NEB: variants seen among roughly 807,000 people sequenced by gnomAD.
NEB encodes the protein nemaline myopathy type 2.
A neutral mutation model predicts 952.2 loss-of-function variants in NEB; 512 were observed. That is an observed-to-expected ratio of 0.54 (90% CI 0.50 to 0.58). The LOEUF (loss-of-function observed/expected upper bound fraction) is 0.58, where lower values mean the gene tolerates loss of function less well. NEB is among the 20% of genes least tolerant of loss of function. The pLI, the probability that NEB is intolerant of heterozygous loss-of-function variation, is 0.00. For synonymous variants in NEB, 2,900 were observed against 3,149.8 expected, an observed-to-expected ratio of 0.92 and a Z score of 2.66; for missense variants, 8,428 against 9,231.1, an observed-to-expected ratio of 0.91 and a Z score of 3.56.
chr2:151,614,707 A>G (rs2098133477), intron 76 of NEB, 120 bp from the exon 77 acceptor site: 5 of 1,196,684 alleles, frequency 4.2e-6, no homozygotes, highest in Non-Finnish European at 5.8e-6. Flanking sequence ...GAGAAAAGTG[A>G]GTATCATCAA....
Position 151,567,280 on chromosome 2 carries a change from C to T in NEB, c.18044G>A (p.Gly6015Glu). The T allele has an allele frequency of 6.2e-7, 1 of 1,613,846 alleles. No individual in the cohort carries two copies. The highest frequency in any genetic ancestry group is 8.5e-7 in the Non-Finnish European group (1 of 1,179,850). The change falls in exon 114 of 182, where the codon GGG becomes GAG. Residue 6015 changes from glycine (G) to glutamate (E), a missense_variant. By Grantham distance (98) the Gly-to-Glu change is moderately conservative (BLOSUM62 -2). Transcript: ENST00000397345. ...ATCAATATCACTGACAAGGGTCTGC[C>T]CCTGCTTGGCGGCCAAGACTGACAC... ...DMVSVLAAKQ[G>E]QTLVSDIDYR...
At chr2:151,673,937 C>T (rs538875676) in intron 36 of NEB, among the ~76,000 whole-genome samples, 65 of 151,756 alleles carry the variant, frequency 4.3e-4, no homozygotes, top group African/African-American at 1.4e-3. Context: ...TTTGGCCAGG[C>T]GTGAGCCACC....
intron 129 of NEB, 73 bp downstream of exon 129, chr2:151,551,665 C>T: frequency 8.4e-7 from 1 of 1,189,844 alleles, no homozygotes; most frequent in Non-Finnish European, 1.2e-6. Flanking sequence ...CAAGAGGAAG[C>T]AAGCTCAGCT....
chr2:151,493,223 C>T, intron 176 of NEB, 130 bp downstream of exon 176: 2 of 707,770 alleles, frequency 2.8e-6, no homozygotes, highest in Non-Finnish European at 4.6e-6. Flanking sequence ...CGTTACTTTC[C>T]AAGATGTTGC....
chr2:151,709,589 G>A, intron 12 of NEB, 67 bp downstream of exon 12: 1 of 1,260,522 alleles, frequency 7.9e-7, no homozygotes, highest in Non-Finnish European at 1.1e-6. Flanking sequence ...TTATATACAA[G>A]AGCCAAAGTT....
intron 105 of NEB, among the ~76,000 whole-genome samples, chr2:151,576,724 G>A (rs910032195): frequency 4.0e-5 from 6 of 150,942 alleles, no homozygotes; most frequent in African/African-American, 1.2e-4. Context: ...TAGTAGAGAC[G>A]GAGTTTCACC....
At chr2:151,542,054 A>G (rs1401959725) in intron 135 of NEB, among the ~76,000 whole-genome samples, 1 of 152,140 alleles carries the variant, frequency 6.6e-6, no homozygotes, top group African/African-American at 2.4e-5. Flanking sequence ...ACCTACCCAC[A>G]TCAGTGAAGT....
intron 177 of NEB, 26 bp downstream of exon 177, chr2:151,492,361 C>T (rs375199303): frequency 6.3e-7 from 1 of 1,589,944 alleles, no homozygotes; most frequent in East Asian, 2.2e-5. Context: ...AGGCAGCCAG[C>T]CAATCCTAAA....
chr2:151,639,584 T>G (rs1348781151), intron 62 of NEB, among the ~76,000 whole-genome samples, 200 bp from the exon 63 acceptor site: 2 of 152,218 alleles, frequency 1.3e-5, no homozygotes, highest in East Asian at 3.9e-4. Flanking sequence ...CTGAAATGTA[T>G]GTTAACAAAA....
intron 34 of NEB, among the ~76,000 whole-genome samples, chr2:151,676,541 G>C (rs1313920929): frequency 6.6e-6 from 1 of 152,130 alleles, no homozygotes; most frequent in African/African-American, 2.4e-5. Flanking sequence ...CTAAAAATTA[G>C]CATACGAGTC....
chr2:151,636,377 T>G (rs914182786), intron 63 of NEB, 43 bp from the exon 64 acceptor site: 1 of 1,460,694 alleles, frequency 6.8e-7, no homozygotes, highest in Admixed American at 1.9e-5. Context: ...CATTTATATC[T>G]AAAAACTGAC....
intron 42 of NEB, 141 bp downstream of exon 42, chr2:151,665,192 G>A (rs1176349696): frequency 5.4e-6 from 4 of 740,224 alleles, no homozygotes. Context: ...AAACATAATG[G>A]AAGCAATAGA....
chr2:151,655,475 T>C lies in NEB; in HGVS notation c.6703-101A>G, dbSNP rs367588674. On this transcript the variant is annotated intron_variant, in intron 50 of 181. Transcript: ENST00000397345. ...TAGTACTTGAATGCACTCAATTTGATGTAGTAAGTAATAACTAAGTAGCAT... is the reference window on the plus strand; with the variant it reads ...TAGTACTTGAATGCACTCAATTTGACGTAGTAAGTAATAACTAAGTAGCAT... 6.8e-6 allele frequency: 4 copies of C among 589,532 alleles called. No individual in the cohort carries two copies. The South Asian group carries it at 1.2e-4, about 18-fold the overall frequency. 36.5% of individuals were successfully genotyped at this position (589,532 alleles called of 1,614,324 possible). A position where few individuals can be genotyped will look rare whatever the true frequency, so the allele number is the denominator to read the frequency against.
At chr2:151,711,072 C>T (rs2099743707) in intron 10 of NEB, among the ~76,000 whole-genome samples, 1 of 152,196 alleles carries the variant, frequency 6.6e-6, no homozygotes, top group Non-Finnish European at 1.5e-5. Flanking sequence ...CCATCTGACT[C>T]CCAAATCCCA....
chr2:151,512,600 C>A, intron 161 of NEB, 133 bp downstream of exon 161: 1 of 731,378 alleles, frequency 1.4e-6, no homozygotes, highest in South Asian at 1.6e-5. Flanking sequence ...AGACGTGAGC[C>A]ACTGCACCTG....
chr2:151,622,967 G>A (rs964921191), intron 71 of NEB, among the ~76,000 whole-genome samples: 1 of 152,172 alleles, frequency 6.6e-6, no homozygotes, highest in African/African-American at 2.4e-5. Context: ...TATGAAAGAA[G>A]TGGGATGCCA....
At chr2:151,561,926 C>A (rs2096087886) in intron 121 of NEB, among the ~76,000 whole-genome samples, 184 bp downstream of exon 121, 1 of 152,152 alleles carries the variant, frequency 6.6e-6, no homozygotes, top group Admixed American at 6.6e-5. Context: ...AGGAGAGACT[C>A]AGACTGGGAA....
In NEB at chr2:151,548,288, G is replaced by A. The variant is rs2094954282; in HGVS notation, c.20157+20C>T. The A allele has an allele frequency of 3.8e-6, 6 of 1,565,080 alleles. No individual in the cohort carries two copies. Among genetic ancestry groups the A allele is most frequent in the Non-Finnish European group, 3.5e-6 (4 of 1,135,822 alleles). On this transcript the variant is annotated intron_variant, in intron 131 of 181. Coordinates refer to ENST00000397345, the MANE Select transcript of NEB (RefSeq NM_001164508.2). The stretch of plus-strand genomic sequence containing the variant: ...CTATTGAAACTCAATATGTCTCTTG[G>A]AGAATCAGCATTCAGGTACCTCGCT...
chr2:151,554,025 G>C lies in NEB; in HGVS notation c.19429C>G (p.Arg6477Gly), dbSNP rs765181095. 2.5e-6 allele frequency: 4 copies of C among 1,613,218 alleles called. No homozygotes were observed. Among genetic ancestry groups the C allele is most frequent in the Non-Finnish European group, 3.4e-6 (4 of 1,179,442 alleles). Reference protein sequence around the residue: ...CLRVGKLNIDRLYRSVYEKNK... With the variant: ...CLRVGKLNIDGLYRSVYEKNK... The stretch of plus-strand genomic sequence containing the variant: ...TTTTCATAAACTGATCTGTACAGGC[G>C]CTGTAAAGTTAAAATCACATGCCAG... Residue 6477 changes from arginine (R) to glycine (G), a missense_variant and splice_region_variant, in exon 126 of 182, where the codon CGC (arginine) becomes GGC (glycine). Arg to Gly is a moderately radical substitution (Grantham distance 125). Transcript: ENST00000397345.
Sources: gnomAD v4.1 joint callset for allele counts (sites outside exome capture counted in the v4.1 genomes callset) on GRCh38, gnomAD v4.1.1 for gene constraint, MANE v1.5 for transcripts, NCBI Gene and HGNC (gene_info 2026-07-23, HGNC 2026-07-21) for gene names.